ADAMTS2: variants seen among roughly 807,000 people sequenced by gnomAD.
The protein encoded by ADAMTS2 is ADAM metallopeptidase with thrombospondin type 1 motif 2, also known as A disintegrin and metalloproteinase with thrombospondin motifs 2.
ADAMTS2 carries 50 observed loss-of-function variants against 123.0 expected under a neutral mutation model. The ratio of observed to expected loss-of-function variants is 0.41; its 90% confidence interval spans 0.32 to 0.51. ADAMTS2 has a LOEUF of 0.51. ADAMTS2 is among the 20% of genes least tolerant of loss of function. ADAMTS2 has a pLI of 0.35. For missense variants in ADAMTS2, 1,494 were observed against 1,705.2 expected (o/e 0.88, Z 2.18); for synonymous variants, 678 against 695.4 (o/e 0.98, Z 0.39).
rs76403676 is a variant in ADAMTS2, at chr5:179,336,803, G to C, written c.534+6964C>G. 6.4e-3 allele frequency among the ~76,000 whole-genome samples: 981 copies of C among 152,320 alleles called. 9 individuals carry two copies. The highest frequency in any genetic ancestry group is 0.022 in the African/African-American group (913 of 41,574). ...TTGTCCACCCTGCCGGTCACGAGGA[G>C]CACAGCGGACCATGTGACCCGCAAC... is the stretch of plus-strand genomic sequence containing the variant. On this transcript the variant is annotated intron_variant, in intron 2 of 21. Coordinates refer to ENST00000251582, the MANE Select transcript of ADAMTS2 (RefSeq NM_014244.5).
chr5:179,325,624 G>A (rs189907565), intron 2 of ADAMTS2, among the ~76,000 whole-genome samples: 73 of 152,382 alleles, frequency 4.8e-4, no homozygotes, highest in Admixed American at 8.5e-4. Context: ...CTGAGCCAGT[G>A]AGAACTCACC....
Position 179,124,999 on chromosome 5 carries a change from G to C in ADAMTS2, c.2932C>G (p.Arg978Gly), listed in dbSNP as rs1328973142. Residue 978 changes from arginine to glycine, a missense_variant, in exon 19 of 22, where the codon CGT becomes GGT. Physicochemically the swap from Arg to Gly is moderately radical, Grantham distance 125. Around this residue, in one of 6 missense-constraint regions of ADAMTS2, gnomAD observed 953 missense variants for 1,124.7 expected, o/e 0.85. Coordinates refer to ENST00000251582, the MANE Select transcript of ADAMTS2 (RefSeq NM_014244.5). ...RACSRELCPG[R>G]WRAGPWSQCS... The stretch of plus-strand genomic sequence containing the variant: ...TGGGACCAGGGCCCGGCTCGCCAAC[G>C]ACCAGGGCAGAGCTCGCGGCTGCAG... 3 of 1,607,002 alleles carry C rather than the reference G, an allele frequency of 1.9e-6. No homozygotes were observed. The highest frequency in any genetic ancestry group is 2.5e-6 in the Non-Finnish European group (3 of 1,178,492).
intron 5 of ADAMTS2, among the ~76,000 whole-genome samples, chr5:179,159,098 C>T (rs1763546356): frequency 6.6e-6 from 1 of 152,198 alleles, no homozygotes. Flanking sequence ...CGTGAGTTTC[C>T]ACACAAAGTC....
chr5:179,199,042 T>C (rs1764498572), intron 4 of ADAMTS2, among the ~76,000 whole-genome samples: 1 of 151,954 alleles, frequency 6.6e-6, no homozygotes, highest in Non-Finnish European at 1.5e-5. Flanking sequence ...AGGGGGCACA[T>C]GCAGGGCAGC....
intron 4 of ADAMTS2, among the ~76,000 whole-genome samples, chr5:179,194,404 C>T (rs1404578239): frequency 6.6e-6 from 1 of 152,140 alleles, no homozygotes; most frequent in South Asian, 2.1e-4. Context: ...TCCGGGTGCA[C>T]TAAGGGAGTG....
intron 3 of ADAMTS2, among the ~76,000 whole-genome samples, chr5:179,207,917 C>G (rs1477882289): frequency 1.3e-5 from 2 of 152,168 alleles, no homozygotes; most frequent in Non-Finnish European, 2.9e-5. Context: ...AGGGCCCAGA[C>G]AGGCACCTCT....
At position 179,314,487 on chromosome 5, in the gene ADAMTS2, C is replaced by T. The variant is rs1471475650; in HGVS notation, c.534+29280G>A. On this transcript the variant is annotated intron_variant, in intron 2 of 21. Coordinates refer to ENST00000251582, the MANE Select transcript of ADAMTS2 (RefSeq NM_014244.5). The surrounding 1 kb of genome is among the most constrained non-coding windows in gnomAD (Gnocchi z 4.5). ...CTTTTTGAGACAAGAGTAGTAAATG[C>T]ACCGTGCTGTACTCAGAGCCCAGGA... 1.3e-5 allele frequency among the ~76,000 whole-genome samples: 2 copies of T among 152,182 alleles called. No individual in the cohort carries two copies. Among genetic ancestry groups the T allele is most frequent in the Non-Finnish European group, 2.9e-5 (2 of 68,006 alleles).
In ADAMTS2 at chr5:179,158,585, C is replaced by T; in HGVS notation, c.1132+138G>A. The T allele has an allele frequency of 3.6e-6, 4 of 1,114,938 alleles. No homozygotes were observed. In the Admixed American group the frequency reaches 5.5e-5, roughly 15 times the overall value. 69.1% of individuals were successfully genotyped at this position (1,114,938 alleles called of 1,614,324 possible). A position where few individuals can be genotyped will look rare whatever the true frequency, so the allele number is the denominator to read the frequency against. On this transcript the variant is annotated intron_variant, in intron 6 of 21. Coordinates refer to ENST00000251582, the MANE Select transcript of ADAMTS2 (RefSeq NM_014244.5). The surrounding 1 kb of genome is among the most constrained non-coding windows in gnomAD (Gnocchi z 5.0). Reference sequence around the variant, plus strand: ...CCATCAGTGCACTGCCCCACACCCTCACCCAGCTAAGGTGGCCACGGCCTT... The same window carrying T: ...CCATCAGTGCACTGCCCCACACCCTTACCCAGCTAAGGTGGCCACGGCCTT...
At chr5:179,297,874 T>C (rs972396487) in intron 2 of ADAMTS2, among the ~76,000 whole-genome samples, 2 of 152,092 alleles carry the variant, frequency 1.3e-5, no homozygotes, top group African/African-American at 2.4e-5. Flanking sequence ...TCTTCAATCC[T>C]GAACAAGAAG....
At position 179,228,031 on chromosome 5, in the gene ADAMTS2, CGGGAGGAGCCGCGT is replaced by C. The variant is rs1483360286; in HGVS notation, c.689-20330_689-20317del. Among the ~76,000 whole-genome samples the C allele has an allele frequency of 6.6e-6, 1 of 152,062 alleles. No individual in the cohort carries two copies. The highest frequency in any genetic ancestry group is 1.5e-5 in the Non-Finnish European group (1 of 67,992). On this transcript the variant is annotated intron_variant, in intron 3 of 21. Coordinates refer to ENST00000251582, the MANE Select transcript of ADAMTS2 (RefSeq NM_014244.5). The surrounding 1 kb of genome is among the most constrained non-coding windows in gnomAD (Gnocchi z 5.2). ...GGAAGCCTTCCCTGCAAGGGACCCT[CGGGAGGAGCCGCGT>C]GGGAGGAGGAGAAGGCCGTGTGGGG...
intron 2 of ADAMTS2, among the ~76,000 whole-genome samples, chr5:179,290,261 A>AT (rs771447755): frequency 1.2e-4 from 19 of 152,128 alleles, no homozygotes; most frequent in Non-Finnish European, 2.6e-4. Context: ...CTGGGTTGTT[A>AT]TAAAAGCAGG....
In ADAMTS2 at chr5:179,317,338, T is replaced by C. The variant is rs56183892; in HGVS notation, c.534+26429A>G. On this transcript the variant is annotated intron_variant, in intron 2 of 21. Transcript: ENST00000251582. The surrounding 1 kb of genome is among the most constrained non-coding windows in gnomAD (Gnocchi z 4.9). The stretch of plus-strand genomic sequence containing the variant: ...GAGTCGCTGATATGGTAACACAATA[T>C]CACACATCTCATCCAAGCCTGCTCG... Among the ~76,000 whole-genome samples, 2,907 of 152,232 alleles carry C rather than the reference T, an allele frequency of 0.019. 83 individuals carry two copies. Among genetic ancestry groups the C allele is most frequent in the African/African-American group, 0.066 (2,758 of 41,524 alleles).
intron 2 of ADAMTS2, among the ~76,000 whole-genome samples, chr5:179,302,128 C>T (rs1027397444): frequency 2.8e-4 from 43 of 152,060 alleles, no homozygotes; most frequent in South Asian, 2.1e-4. Context: ...GAGCAGAAGC[C>T]GGGACTTCTG....
intron 5 of ADAMTS2, among the ~76,000 whole-genome samples, chr5:179,159,402 A>G (rs971657307): frequency 6.6e-6 from 1 of 152,244 alleles, no homozygotes; most frequent in African/African-American, 2.4e-5. Context: ...AACCAACACA[A>G]TGGAGGAAAA....
In ADAMTS2 at chr5:179,207,843, T is replaced by C. The variant is rs973745806; in HGVS notation, c.689-128A>G. 61 of 853,728 alleles carry C rather than the reference T, an allele frequency of 7.1e-5. No individual in the cohort carries two copies. The East Asian group carries it at 1.6e-3, about 23-fold the overall frequency. 52.9% of individuals were successfully genotyped at this position (853,728 alleles called of 1,614,324 possible). ...CCTGAACCGAGGGTATTATTCCATTTTACAGAGGAAAGCGAGGTGCAGAGG... is the reference window on the plus strand; with the variant it reads ...CCTGAACCGAGGGTATTATTCCATTCTACAGAGGAAAGCGAGGTGCAGAGG... On this transcript the variant is annotated intron_variant, in intron 3 of 21. Coordinates refer to ENST00000251582, the MANE Select transcript of ADAMTS2 (RefSeq NM_014244.5).
chr5:179,224,530 C>T (rs1053355696), intron 3 of ADAMTS2, among the ~76,000 whole-genome samples: 3 of 152,200 alleles, frequency 2.0e-5, no homozygotes, highest in Admixed American at 6.5e-5. Flanking sequence ...GCCCTCTTGG[C>T]TTGTCTTTTG....
Position 179,130,927 on chromosome 5 carries a change from A to G in ADAMTS2, c.2291-829T>C, listed in dbSNP as rs1197375076. 6.6e-6 allele frequency among the ~76,000 whole-genome samples: 1 copy of G among 152,192 alleles called. No individual in the cohort carries two copies. The highest frequency in any genetic ancestry group is 2.4e-5 in the African/African-American group (1 of 41,450). On this transcript the variant is annotated intron_variant, in intron 15 of 21. Coordinates refer to ENST00000251582, the MANE Select transcript of ADAMTS2 (RefSeq NM_014244.5). The surrounding 1 kb of genome is among the most constrained non-coding windows in gnomAD (Gnocchi z 4.3). ...CGGTGGCAGGAAGCAGCGTTGGGAC[A>G]GAAATGTCTTTTTGTTCAGAAACTG...
At chr5:179,266,748 G>A (rs1766382007) in intron 3 of ADAMTS2, among the ~76,000 whole-genome samples, 1 of 152,154 alleles carries the variant, frequency 6.6e-6, no homozygotes, top group African/African-American at 2.4e-5. Flanking sequence ...AAAGCACACG[G>A]CCCTCCTGCC....
intron 2 of ADAMTS2, among the ~76,000 whole-genome samples, chr5:179,305,843 T>G (rs1220914821): frequency 2.0e-5 from 3 of 152,200 alleles, no homozygotes; most frequent in Non-Finnish European, 4.4e-5. Flanking sequence ...TGGAATAGTA[T>G]AAACAATTCT....
Sources: allele counts gnomAD v4.1 joint callset (sites outside exome capture counted in the v4.1 genomes callset), GRCh38; gene constraint gnomAD v4.1.1; regional missense constraint gnomAD v4.1.1; non-coding constraint Gnocchi (gnomAD v3.1); transcripts MANE v1.5; gene names NCBI Gene and HGNC (gene_info 2026-07-23, HGNC 2026-07-21).